INPP4B: variants seen among roughly 807,000 people sequenced by gnomAD.
The protein encoded by INPP4B is inositol polyphosphate-4-phosphatase type II B.
In INPP4B, 55 loss-of-function variants were observed where a neutral mutation model predicts 122.5. The ratio of observed to expected loss-of-function variants is 0.45; its 90% CI spans 0.36 to 0.56. The LOEUF is 0.56. Ranked by LOEUF, INPP4B falls within the 20% of genes least tolerant of loss-of-function variation. The pLI is 0.00. For synonymous variants in INPP4B, 403 were observed against 388.7 expected, an observed-to-expected ratio of 1.04 and a Z score of -0.43; for missense variants, 1,000 against 1,097.7, an observed-to-expected ratio of 0.91 and a Z score of 1.26.
At chr4:142,244,084 C>T (rs1860869891) in intron 11 of INPP4B, among the ~76,000 whole-genome samples, 1 of 151,488 alleles carries the variant, frequency 6.6e-6, no homozygotes, top group Non-Finnish European at 1.5e-5. Context: ...CTGACAGGTC[C>T]CAGTGTGTGA....
chr4:142,248,743 T>A (rs947574887), intron 11 of INPP4B, among the ~76,000 whole-genome samples: 6 of 152,050 alleles, frequency 3.9e-5, no homozygotes, highest in Admixed American at 1.3e-4. Context: ...TCTTGCTTGG[T>A]TCTCTTGAAA....
intron 1 of INPP4B, among the ~76,000 whole-genome samples, chr4:142,730,222 G>C (rs535025740): frequency 2.4e-4 from 37 of 152,176 alleles, no homozygotes; most frequent in African/African-American, 7.7e-4. Context: ...AAGGTGATCT[G>C]GTTTATAAAT....
chr4:142,839,840 T>C (rs973613648), intron 1 of INPP4B, among the ~76,000 whole-genome samples: 1 of 152,218 alleles, frequency 6.6e-6, no homozygotes, highest in African/African-American at 2.4e-5. Flanking sequence ...GGAAATGCAT[T>C]TCTTAATTAT....
chr4:142,544,256 G>T (rs796776903), intron 2 of INPP4B, among the ~76,000 whole-genome samples: 5 of 152,046 alleles, frequency 3.3e-5, no homozygotes, highest in African/African-American at 1.2e-4. Flanking sequence ...CGTTACTATT[G>T]TGTTAGAATC....
At chr4:142,242,388 G>A (rs1859860869) in intron 11 of INPP4B, among the ~76,000 whole-genome samples, 1 of 152,178 alleles carries the variant, frequency 6.6e-6, no homozygotes, top group Admixed American at 6.6e-5. Context: ...TATTGCAGAT[G>A]TCATAATAAA....
chr4:142,626,293 A>G (rs1400713082), intron 2 of INPP4B, among the ~76,000 whole-genome samples: 1 of 152,070 alleles, frequency 6.6e-6, no homozygotes, highest in Non-Finnish European at 1.5e-5. Flanking sequence ...AGTTTATTCA[A>G]AAGGAAAATT....
intron 12 of INPP4B, among the ~76,000 whole-genome samples, chr4:142,237,497 C>T (rs1369387323): frequency 6.6e-6 from 1 of 151,992 alleles, no homozygotes; most frequent in Non-Finnish European, 1.5e-5. Context: ...GTTATTAAAT[C>T]ATCTGCAAGC....
intron 2 of INPP4B, among the ~76,000 whole-genome samples, chr4:142,524,461 A>T (rs1179189642): frequency 6.6e-6 from 1 of 151,902 alleles, no homozygotes; most frequent in African/African-American, 2.4e-5. Flanking sequence ...TCTTCTTTTG[A>T]GAAGTGTCTG....
intron 2 of INPP4B, among the ~76,000 whole-genome samples, chr4:142,650,928 GCAC>G (rs1752823207): frequency 1.3e-5 from 2 of 152,168 alleles, no homozygotes; most frequent in South Asian, 2.1e-4. Context: ...ATTCTTCTCA[GCAC>G]CACATCACAC....
intron 25 of INPP4B, among the ~76,000 whole-genome samples, chr4:142,068,186 T>A (rs1764763688): frequency 6.6e-6 from 1 of 152,142 alleles, no homozygotes; most frequent in Non-Finnish European, 1.5e-5. Flanking sequence ...TCAACAATCT[T>A]AAAGAAAAGA....
intron 2 of INPP4B, among the ~76,000 whole-genome samples, chr4:142,672,836 T>C (rs1343513884): frequency 6.6e-6 from 1 of 152,168 alleles, no homozygotes; most frequent in African/African-American, 2.4e-5. Flanking sequence ...ACTTTCTCCA[T>C]AGTTTCCTCT....
intron 2 of INPP4B, among the ~76,000 whole-genome samples, chr4:142,642,828 G>A (rs1279324425): frequency 6.6e-6 from 1 of 152,128 alleles, no homozygotes; most frequent in African/African-American, 2.4e-5. Context: ...GCTTGATGGG[G>A]ATGGCATTGA....
intron 2 of INPP4B, among the ~76,000 whole-genome samples, chr4:142,541,971 A>C (rs867305458): frequency 2.6e-4 from 39 of 152,316 alleles, no homozygotes; most frequent in Middle Eastern, 6.8e-3. Flanking sequence ...ATTTTATAGA[A>C]GAGTGCCTCT....
At chr4:142,251,053 T>C (rs1731760156) in intron 11 of INPP4B, among the ~76,000 whole-genome samples, 1 of 152,190 alleles carries the variant, frequency 6.6e-6, no homozygotes, top group Non-Finnish European at 1.5e-5. Context: ...ACAGAGTTTA[T>C]GGCACAACTA....
At chr4:142,183,134 T>C (rs1831631949) in intron 15 of INPP4B, among the ~76,000 whole-genome samples, 1 of 152,210 alleles carries the variant, frequency 6.6e-6, no homozygotes, top group African/African-American at 2.4e-5. Flanking sequence ...GGGCAGTGAA[T>C]GGCACTATCA....
At chr4:142,029,524 T>G (rs1273297765) in intron 25 of INPP4B, 46 of 985,394 alleles carry the variant, frequency 4.7e-5, no homozygotes, top group Non-Finnish European at 5.5e-5. Context: ...AAGACCTTGT[T>G]AAAAAGAATA....
chr4:142,232,263 TTTTG>T (rs1196846305), intron 12 of INPP4B, among the ~76,000 whole-genome samples: 1 of 152,192 alleles, frequency 6.6e-6, no homozygotes, highest in Non-Finnish European at 1.5e-5. Context: ...TACTGTGTTT[TTTTG>T]TTTGTTTTTA....
At chr4:142,739,073 T>A (rs766315373) in intron 1 of INPP4B, among the ~76,000 whole-genome samples, 3 of 151,990 alleles carry the variant, frequency 2.0e-5, no homozygotes, top group Non-Finnish European at 2.9e-5. Flanking sequence ...AAACCAAACA[T>A]AATAACAAAA....
chr4:142,545,756 C>CACGTATAT (rs1560782180), intron 2 of INPP4B, among the ~76,000 whole-genome samples: 11 of 74,748 alleles, frequency 1.5e-4, no homozygotes, highest in Non-Finnish European at 3.6e-4. Context: ...TATATATACA[C>CACGTATAT]ATGTATATGT....
Sources: gnomAD v4.1 joint callset for allele counts (sites outside exome capture counted in the v4.1 genomes callset) on GRCh38, gnomAD v4.1.1 for gene constraint, MANE v1.5 for transcripts, NCBI Gene and HGNC (gene_info 2026-07-23, HGNC 2026-07-21) for gene names.